SCRT2: variants seen among roughly 807,000 people sequenced by gnomAD.
The protein encoded by SCRT2 is scratch family transcriptional repressor 2, also known as transcriptional repressor scratch 2.
In SCRT2, 2 loss-of-function variants were observed where a neutral mutation model predicts 3.7. The observed-to-expected ratio is 0.54, with a 90% confidence interval of 0.22 to 1.70. The LOEUF is 1.70. Ranked by LOEUF, SCRT2 falls within the 40% of genes most tolerant of loss-of-function variation. The pLI, the probability that SCRT2 is intolerant of heterozygous loss-of-function variation, is 0.19. For synonymous variants in SCRT2, 256 were observed against 220.6 expected (o/e 1.16, Z -1.42); for missense variants, 456 against 468.5 (o/e 0.97, Z 0.25).
chr20:663,477 T>C lies in SCRT2; in HGVS notation c.*194A>G. The C allele has an allele frequency of 4.5e-6, 2 of 439,718 alleles. No homozygotes were observed. Among genetic ancestry groups the C allele is most frequent in the East Asian group, 8.0e-5 (2 of 25,008 alleles). 27.2% of individuals were successfully genotyped at this position (439,718 alleles called of 1,614,324 possible). ...AAGGATGAAGTGGGTCGGGGGACGC[T>C]GGGGAAGACGGTGTGGAAGTGAGTC... On this transcript the variant is annotated 3_prime_UTR_variant, in exon 2 of 2. Coordinates refer to ENST00000246104, the MANE Select transcript of SCRT2 (RefSeq NM_033129.4). The surrounding 1 kb of genome is among the most constrained non-coding windows in gnomAD (Gnocchi z 6.9).
chr20:674,107 A>T (rs1278896050), intron 1 of SCRT2, among the ~76,000 whole-genome samples: 1 of 152,272 alleles, frequency 6.6e-6, no homozygotes, highest in East Asian at 1.9e-4. Flanking sequence ...GGGGGATGCC[A>T]GTGGATGAGG....
In SCRT2 at chr20:664,167, C is replaced by T; in HGVS notation, c.428G>A (p.Gly143Glu). ...GDAGGAGGRAGRAGAQAGGGH... is the reference protein window; with the variant it reads ...GDAGGAGGRAERAGAQAGGGH... ...GCCGCCCGCCTGCGCCCCCGCGCGC[C>T]CCGCGCGCCCCCCGGCGCCCCCCGC... The change falls in exon 2 of 2, where the codon GGG (glycine) becomes GAG (glutamate). Residue 143 changes from glycine to glutamate, a missense_variant. Coordinates refer to ENST00000246104, the MANE Select transcript of SCRT2 (RefSeq NM_033129.4). This position sits in a 1 kb window ranked among gnomAD's most constrained non-coding sequence, Gnocchi z 7.9. 13 of 1,079,756 alleles carry T rather than the reference C, an allele frequency of 1.2e-5. No individual in the cohort carries two copies. Among genetic ancestry groups the T allele is most frequent in the Non-Finnish European group, 1.3e-5 (12 of 892,300 alleles). The allele number at this position is 1,079,756 out of a possible 1,614,324, so 66.9% of individuals were successfully genotyped here. A position where few individuals can be genotyped will look rare whatever the true frequency, so the allele number is the denominator to read the frequency against.
rs1165090578 is a variant in SCRT2, at chr20:675,518, C to G, written c.84G>C (p.Leu28Phe). The G allele has an allele frequency of 1.4e-6, 2 of 1,394,218 alleles. No homozygotes were observed. The highest frequency in any genetic ancestry group is 3.0e-5 in the African/African-American group (2 of 67,428). The allele number at this position is 1,394,218 out of a possible 1,614,324, so 86.4% of individuals were successfully genotyped here. Residue 28 changes from leucine to phenylalanine, a missense_variant, in exon 1 of 2, where the codon TTG (leucine) becomes TTC (phenylalanine). This residue lies in a region of SCRT2 where 306 missense variants were observed against 305.3 expected (regional missense o/e 1.00). Transcript: ENST00000246104. The surrounding 1 kb of genome is among the most constrained non-coding windows in gnomAD (Gnocchi z 6.9). ...SGVPAPTYHP[L>F]ETAYVLPGAR... ...CGCCAGGCAGCACGTAGGCTGTCTC[C>G]AAGGGGTGGTAGGTGGGGGCCGGCA...
rs972383353 is a variant in SCRT2, at chr20:663,703, G to A, written c.892C>T (p.Pro298Ser). 3.9e-6 allele frequency: 6 copies of A among 1,519,632 alleles called. No individual in the cohort carries two copies. Among genetic ancestry groups the A allele is most frequent in the African/African-American group, 1.4e-5 (1 of 71,076 alleles). 94.1% of individuals were successfully genotyped at this position (1,519,632 alleles called of 1,614,324 possible). ...EAACAKAAEP[P>S]PPTPAGPAS ...GCCGGGCCGGCGGGGGTCGGCGGGG[G>A]TGGCTCGGCCGCCTTGGCGCAGGCC... is the stretch of plus-strand genomic sequence containing the variant. Residue 298 changes from proline (P) to serine (S), a missense_variant, in exon 2 of 2, where the codon CCC (proline) becomes TCC (serine). By Grantham distance (74) the Pro-to-Ser change is moderately conservative (BLOSUM62 -1). Around this residue, in one of 3 missense-constraint regions of SCRT2, gnomAD observed 144 missense variants for 141.9 expected, o/e 1.01. Transcript: ENST00000246104. This position sits in a 1 kb window ranked among gnomAD's most constrained non-coding sequence, Gnocchi z 6.9.
rs375775244 is a variant in SCRT2 at position 670,311 on chromosome 20, C to T, written c.133+5158G>A. Reference sequence around the variant, plus strand: ...TTGTGCAGTGCTCCACCTCTTCCCCCGGCCTCCTACTTTCTGCTCTGCCGC... The same window carrying T: ...TTGTGCAGTGCTCCACCTCTTCCCCTGGCCTCCTACTTTCTGCTCTGCCGC... On this transcript the variant is annotated intron_variant, in intron 1 of 1. Coordinates refer to ENST00000246104, the MANE Select transcript of SCRT2 (RefSeq NM_033129.4). 8.5e-4 allele frequency among the ~76,000 whole-genome samples: 129 copies of T among 152,312 alleles called. 1 individual carries two copies. The highest frequency in any genetic ancestry group is 2.9e-3 in the African/African-American group (122 of 41,572).
chr20:670,251 G>A (rs975406037), intron 1 of SCRT2, among the ~76,000 whole-genome samples: 10 of 152,198 alleles, frequency 6.6e-5, no homozygotes, highest in African/African-American at 2.4e-4. Context: ...TCTCCAGTGG[G>A]CCCTTTCTGG....
chr20:668,939 C>T (rs1377135503), intron 1 of SCRT2, among the ~76,000 whole-genome samples: 2 of 152,172 alleles, frequency 1.3e-5, no homozygotes, highest in Non-Finnish European at 2.9e-5. Flanking sequence ...TGCCCTGTGC[C>T]CAGAGGCCCA....
rs1984007372 is a variant in SCRT2 at position 662,960 on chromosome 20, T to G, written c.*711A>C. Reference sequence around the variant, plus strand: ...CTGGGGCTGGGAGTGGGTGATGAGATCCCCATGGACTGAAGACAGTAGGAA... The same window carrying G: ...CTGGGGCTGGGAGTGGGTGATGAGAGCCCCATGGACTGAAGACAGTAGGAA... On this transcript the variant is annotated 3_prime_UTR_variant, in exon 2 of 2. Coordinates refer to ENST00000246104, the MANE Select transcript of SCRT2 (RefSeq NM_033129.4). 1 of 152,438 alleles carries G rather than the reference T, an allele frequency of 6.6e-6. No individual in the cohort carries two copies. Among genetic ancestry groups the G allele is most frequent in the South Asian group, 2.1e-4 (1 of 4,828 alleles). The allele number at this position is 152,438 out of a possible 1,614,324, so 9.4% of individuals were successfully genotyped here.
At chr20:672,404 TGTGTGTGTGTGTGTGTGTGCGCGCGTGC>T (rs1417559757) in intron 1 of SCRT2, among the ~76,000 whole-genome samples, 19 of 140,194 alleles carry the variant, frequency 1.4e-4, no homozygotes, top group Non-Finnish European at 2.2e-4. Flanking sequence ...TGTGTGTGTG[TGTGTGTGTGTGTGTGTGTGCGCGCGTGC>T]GTGTGTGTGT....
Position 663,773 on chromosome 20 carries a change from G to C in SCRT2, c.822C>G (p.Asp274Glu). The change falls in exon 2 of 2, where the codon GAC becomes GAG. Residue 274 changes from aspartate to glutamate, a missense_variant. Physicochemically the swap from Asp to Glu is conservative, Grantham distance 45. Around this residue, in one of 3 missense-constraint regions of SCRT2, gnomAD observed 144 missense variants for 141.9 expected, o/e 1.01. Coordinates refer to ENST00000246104, the MANE Select transcript of SCRT2 (RefSeq NM_033129.4). This position sits in a 1 kb window ranked among gnomAD's most constrained non-coding sequence, Gnocchi z 6.9. ...GGTAGGACTTGAGCGCGAAGCTCTT[G>C]TCGCACTGGCGGCAGCGGTAGTGCT... is the stretch of plus-strand genomic sequence containing the variant. ...AFKHYRCRQC[D>E]KSFALKSYLH... The C allele has an allele frequency of 1.9e-6, 3 of 1,588,600 alleles. No individual in the cohort carries two copies. The highest frequency in any genetic ancestry group is 2.6e-6 in the Non-Finnish European group (3 of 1,169,594).
chr20:667,795 G>C lies in SCRT2; in HGVS notation c.134-3334C>G, dbSNP rs994746158. On this transcript the variant is annotated intron_variant, in intron 1 of 1. Coordinates refer to ENST00000246104, the MANE Select transcript of SCRT2 (RefSeq NM_033129.4). The surrounding 1 kb of genome is among the most constrained non-coding windows in gnomAD (Gnocchi z 4.4). ...GGCATGGGTTGAGAGCATCCTGTGA[G>C]AGTTTGTGTGGTCATGTTAGGAGGA... Among the ~76,000 whole-genome samples the C allele has an allele frequency of 6.6e-6, 1 of 152,196 alleles. No homozygotes were observed. The highest frequency in any genetic ancestry group is 2.1e-4 in the South Asian group (1 of 4,826).
rs1983992331 is a variant in SCRT2, at chr20:662,572, C to T, written c.*1099G>A. 6.6e-6 allele frequency: 1 copy of T among 152,316 alleles called. No homozygotes were observed. The highest frequency in any genetic ancestry group is 2.1e-4 in the South Asian group (1 of 4,836). The allele number at this position is 152,316 out of a possible 1,614,324, so 9.4% of individuals were successfully genotyped here. On this transcript the variant is annotated 3_prime_UTR_variant, in exon 2 of 2. Transcript: ENST00000246104. ...TGCCTGGCTTCCTGACCTCCCAGTC[C>T]AGCTGGGGAAGCCAGACGGTCCCTG... is the stretch of plus-strand genomic sequence containing the variant.
intron 1 of SCRT2, among the ~76,000 whole-genome samples, chr20:671,762 G>A (rs1984339698): frequency 6.6e-6 from 1 of 152,176 alleles, no homozygotes; most frequent in South Asian, 2.1e-4. Flanking sequence ...GCAGACAACT[G>A]TGTTATTGGA....
intron 1 of SCRT2, among the ~76,000 whole-genome samples, chr20:674,711 GTGTGTGTGTGTGTGTGTGTGTA>G (rs765136692): frequency 5.0e-4 from 48 of 96,580 alleles, no homozygotes; most frequent in South Asian, 6.5e-4. Flanking sequence ...GTGTGTGTGT[GTGTGTGTGTGTGTGTGTGTGTA>G]TGTGTAGTGA....
In SCRT2 at chr20:664,182, GCGCCCCCCGC is replaced by G; in HGVS notation, c.403_412del (p.Ala135ProfsTer33). ...CCCCGCGCGCCCCGCGCGCCCCCCG[GCGCCCCCCGC>G]GTCTCCCGAGCCCCCCGCGTCCCCG... is the stretch of plus-strand genomic sequence containing the variant. On this transcript the variant is annotated frameshift_variant, in exon 2 of 2. Coordinates refer to ENST00000246104, the MANE Select transcript of SCRT2 (RefSeq NM_033129.4). LOFTEE classifies it low-confidence loss of function (END_TRUNC). The surrounding 1 kb of genome is among the most constrained non-coding windows in gnomAD (Gnocchi z 7.9). 2.8e-6 allele frequency: 3 copies of G among 1,058,276 alleles called. No homozygotes were observed. Among genetic ancestry groups the G allele is most frequent in the Non-Finnish European group, 3.4e-6 (3 of 878,648 alleles). 65.6% of individuals were successfully genotyped at this position (1,058,276 alleles called of 1,614,324 possible). A position where few individuals can be genotyped will look rare whatever the true frequency, so the allele number is the denominator to read the frequency against.
In SCRT2 at chr20:664,100, G is replaced by A; in HGVS notation, c.495C>T (p.Ala165=). 1 of 1,607,432 alleles carries A rather than the reference G, an allele frequency of 6.2e-7. No individual in the cohort carries two copies. The highest frequency in any genetic ancestry group is 8.5e-7 in the Non-Finnish European group (1 of 1,178,760). The change falls in exon 2 of 2, where the codon GCC becomes GCT. Residue 165 remains alanine (A), a synonymous_variant. Transcript: ENST00000246104. This position sits in a 1 kb window ranked among gnomAD's most constrained non-coding sequence, Gnocchi z 7.9. The stretch of plus-strand genomic sequence containing the variant: ...TGTGGCGGCTCAGGTTCGACGACGT[G>A]GCGTAGGTCTTGCCGCACTCGGCGC... ...HACAECGKTY[A]TSSNLSRHKQ...
chr20:667,592 A>G lies in SCRT2; in HGVS notation c.134-3131T>C, dbSNP rs1027350888. Among the ~76,000 whole-genome samples the G allele has an allele frequency of 2.0e-5, 3 of 152,182 alleles. No homozygotes were observed. The highest frequency in any genetic ancestry group is 2.9e-5 in the Non-Finnish European group (2 of 68,024). ...GCGTTCTCCATGAGGTGCTCTGCCCATGGCGCCCTCTGCTGGTGGCCCTCA... is the reference window on the plus strand; with the variant it reads ...GCGTTCTCCATGAGGTGCTCTGCCCGTGGCGCCCTCTGCTGGTGGCCCTCA... On this transcript the variant is annotated intron_variant, in intron 1 of 1. Transcript: ENST00000246104. The surrounding 1 kb of genome is among the most constrained non-coding windows in gnomAD (Gnocchi z 4.4).
At chr20:669,048 G>C (rs900117951) in intron 1 of SCRT2, among the ~76,000 whole-genome samples, 2 of 148,762 alleles carry the variant, frequency 1.3e-5, no homozygotes, top group African/African-American at 2.5e-5. Flanking sequence ...AGAGGGCATG[G>C]AGACTTGCTG....
intron 1 of SCRT2, among the ~76,000 whole-genome samples, chr20:674,399 TCA>T (rs57092015): frequency 0.046 from 4,939 of 106,262 alleles, 180 homozygotes; most frequent in African/African-American, 0.12. Context: ...TCTCTCTCTC[TCA>T]CACACACACA....
Sources: gnomAD v4.1 joint callset for allele counts (sites outside exome capture counted in the v4.1 genomes callset) on GRCh38, gnomAD v4.1.1 for gene constraint, gnomAD v4.1.1 regional missense constraint, Gnocchi (gnomAD v3.1) non-coding constraint, MANE v1.5 for transcripts, NCBI Gene and HGNC (gene_info 2026-07-23, HGNC 2026-07-21) for gene names.